BMI1: variants seen among roughly 807,000 people sequenced by gnomAD.
BMI1 encodes the protein polycomb complex protein BMI-1.
BMI1 carries 9 observed loss-of-function variants against 39.1 expected under a neutral mutation model. The observed-to-expected ratio is 0.23, with a 90% CI of 0.14 to 0.40. The LOEUF (loss-of-function observed/expected upper bound fraction) is 0.40. Ranked by LOEUF, BMI1 falls within the 10% of genes least tolerant of loss-of-function variation. The pLI, the probability that BMI1 is intolerant of heterozygous loss-of-function variation, is 1.00. For synonymous variants in BMI1, 131 were observed against 127.9 expected (o/e 1.02, Z -0.16); for missense variants, 252 against 390.8 (o/e 0.64, Z 2.99).
chr10:22,327,540 C>T, intron 3 of BMI1, 55 bp from the exon 4 acceptor site: 1 of 1,496,852 alleles, frequency 6.7e-7, no homozygotes, highest in Non-Finnish European at 9.1e-7. Flanking sequence ...AACTTATGAA[C>T]ATTTTTAGTT....
intron 1 of BMI1, among the ~76,000 whole-genome samples, chr10:22,323,035 A>G (rs1564348814): frequency 6.6e-6 from 1 of 152,236 alleles, no homozygotes; most frequent in Non-Finnish European, 1.5e-5. Flanking sequence ...ATATTTATCC[A>G]AATGCAAGTG....
At chr10:22,322,634 T>G (rs554751872) in intron 1 of BMI1, among the ~76,000 whole-genome samples, 3 of 152,192 alleles carry the variant, frequency 2.0e-5, no homozygotes, top group Non-Finnish European at 4.4e-5. Context: ...TCTCACTACT[T>G]CTTTTTCTCC....
At position 22,329,752 on chromosome 10, in the gene BMI1, G is replaced by A. The variant is rs1836243614; in HGVS notation, c.*210G>A. 1.6e-6 allele frequency: 1 copy of A among 612,518 alleles called. No individual in the cohort carries two copies. The highest frequency in any genetic ancestry group is 2.7e-6 in the Non-Finnish European group (1 of 374,064). 37.9% of individuals were successfully genotyped at this position (612,518 alleles called of 1,614,324 possible). A position where few individuals can be genotyped will look rare whatever the true frequency, so the allele number is the denominator to read the frequency against. ...GAAAGATTGTTGTTATAAAGAATTG[G>A]TTTCTTGGAAAGCAGGCAAGACTTT... On this transcript the variant is annotated 3_prime_UTR_variant, in exon 10 of 10. Coordinates refer to ENST00000376663, the MANE Select transcript of BMI1 (RefSeq NM_005180.9).
chr10:22,329,437 T>C lies in BMI1; in HGVS notation c.876T>C (p.Thr292=), dbSNP rs1304096042. The C allele has an allele frequency of 6.2e-7, 1 of 1,614,206 alleles. No homozygotes were observed. Among genetic ancestry groups the C allele is most frequent in the South Asian group, 1.1e-5 (1 of 91,088 alleles). ...PHPQFPHISS[T]MNGTSNSPSG... The stretch of plus-strand genomic sequence containing the variant: ...CACAGTTTCCTCACATTTCCAGTAC[T>C]ATGAATGGAACCAGCAACAGCCCCA... Residue 292 remains threonine, a synonymous_variant, in exon 10 of 10, where the codon ACT becomes ACC. Transcript: ENST00000376663.
downstream of BMI1, among the ~76,000 whole-genome samples, chr10:22,331,653 TTTGAC>T (rs1322519534): frequency 2.0e-5 from 3 of 150,318 alleles, no homozygotes; most frequent in African/African-American, 7.6e-5. Context: ...TGGACTGTCA[TTTGAC>T]TTACATAAAA....
intron 1 of BMI1, among the ~76,000 whole-genome samples, chr10:22,322,446 G>T (rs1262868567): frequency 6.6e-6 from 1 of 152,190 alleles, no homozygotes; most frequent in African/African-American, 2.4e-5. Flanking sequence ...TGTTTCCAAG[G>T]TCTCCTGCAT....
intron 2 of BMI1, 32 bp downstream of exon 2, chr10:22,326,593 C>T (rs1836158382): frequency 2.5e-6 from 4 of 1,604,256 alleles, no homozygotes; most frequent in Non-Finnish European, 3.4e-6. Flanking sequence ...TCTTTTGTAT[C>T]ATGCGTATTT....
At chr10:22,321,908 C>T (rs1015239050) in intron 1 of BMI1, among the ~76,000 whole-genome samples, 5 of 144,662 alleles carry the variant, frequency 3.5e-5, no homozygotes, top group African/African-American at 1.2e-4. Context: ...CGCCCGCGAG[C>T]GCGCGCCCGC....
At chr10:22,326,598 G>T in intron 2 of BMI1, 37 bp downstream of exon 2, 1 of 1,596,338 alleles carries the variant, frequency 6.3e-7, no homozygotes. Context: ...TGTATCATGC[G>T]TATTTCACAG....
At position 22,329,388 on chromosome 10, in the gene BMI1, G is replaced by C; in HGVS notation, c.827G>C (p.Ser276Thr). The C allele has an allele frequency of 2.5e-6, 4 of 1,614,174 alleles. No homozygotes were observed. Among genetic ancestry groups the C allele is most frequent in the Non-Finnish European group, 3.4e-6 (4 of 1,180,024 alleles). Reference sequence around the variant, plus strand: ...ACCTCTTCTTGTTTGCCTAGCCCCAGTACTCCAGTGCAGTCTCCTCATCCA... The same window carrying C: ...ACCTCTTCTTGTTTGCCTAGCCCCACTACTCCAGTGCAGTCTCCTCATCCA... ...PSTSSCLPSP[S>T]TPVQSPHPQF... Residue 276 changes from serine (S) to threonine (T), a missense_variant, in exon 10 of 10, where the codon AGT (serine) becomes ACT (threonine). Transcript: ENST00000376663.
chr10:22,330,623 AT>A lies in BMI1; in HGVS notation c.*1083del, dbSNP rs1457698030. 6.6e-6 allele frequency: 1 copy of A among 152,212 alleles called. No homozygotes were observed. The highest frequency in any genetic ancestry group is 2.4e-5 in the African/African-American group (1 of 41,462). The allele number at this position is 152,212 out of a possible 1,614,324, so 9.4% of individuals were successfully genotyped here. A position where few individuals can be genotyped will look rare whatever the true frequency, so the allele number is the denominator to read the frequency against. On this transcript the variant is annotated 3_prime_UTR_variant, in exon 10 of 10. Transcript: ENST00000376663. ...TTAAAAATGCATATTGATCACTATA[AT>A]TCTAAAACAATTTTTTAAATAAACC... is the stretch of plus-strand genomic sequence containing the variant.
intron 1 of BMI1, chr10:22,325,933 G>T (rs1336913144): frequency 3.3e-5 from 5 of 152,356 alleles, no homozygotes; most frequent in African/African-American, 1.2e-4. Context: ...GGGCAGAATT[G>T]TTTTCCCTGC....
At position 22,330,270 on chromosome 10, in the gene BMI1, A is replaced by G. The variant is rs934195833; in HGVS notation, c.*728A>G. 5.2e-5 allele frequency: 8 copies of G among 152,682 alleles called. No homozygotes were observed. Among genetic ancestry groups the G allele is most frequent in the African/African-American group, 1.9e-4 (8 of 41,476 alleles). The allele number at this position is 152,682 out of a possible 1,614,324, so 9.5% of individuals were successfully genotyped here. The stretch of plus-strand genomic sequence containing the variant: ...ATGACATAACAGGAAACAGTATTGT[A>G]TGATATATTTATAAATGCTATAAAG... On this transcript the variant is annotated 3_prime_UTR_variant, in exon 10 of 10. Transcript: ENST00000376663.
In BMI1 at chr10:22,329,297, G is replaced by C; in HGVS notation, c.736G>C (p.Ala246Pro). ...ISHQRDGLTN[A>P]GELESDSGSD... ...TCACCAGAGAGATGGACTGACAAATGCTGGAGAACTGGAAAGTGACTCTGG... is the reference window on the plus strand; with the variant it reads ...TCACCAGAGAGATGGACTGACAAATCCTGGAGAACTGGAAAGTGACTCTGG... Residue 246 changes from alanine (A) to proline (P), a missense_variant, in exon 10 of 10, where the codon GCT becomes CCT. By Grantham distance (27) the Ala-to-Pro change is conservative (BLOSUM62 -1). This residue lies in a region of BMI1 where 96 missense variants were observed against 120.2 expected (regional missense o/e 0.80). Transcript: ENST00000376663. 1.2e-6 allele frequency: 2 copies of C among 1,614,192 alleles called. No individual in the cohort carries two copies. The highest frequency in any genetic ancestry group is 1.7e-6 in the Non-Finnish European group (2 of 1,180,030).
At chr10:22,324,211 C>G (rs892761546) in intron 1 of BMI1, among the ~76,000 whole-genome samples, 4 of 152,160 alleles carry the variant, frequency 2.6e-5, no homozygotes, top group African/African-American at 9.6e-5. Flanking sequence ...TTATTGGAGC[C>G]CCTTCATGAA....
rs111708491 is a variant in BMI1, at chr10:22,324,559, G to A, written c.-19-1872G>A. ...GTTGCCACTGTGGTCACTTTCATAA[G>A]AGAGGCTTTGTTTTGTTTTTTACCA... On this transcript the variant is annotated intron_variant, in intron 1 of 9. Coordinates refer to ENST00000376663, the MANE Select transcript of BMI1 (RefSeq NM_005180.9). Among the ~76,000 whole-genome samples the A allele has an allele frequency of 6.7e-3, 1,018 of 152,322 alleles. 7 individuals are homozygous for A. Among genetic ancestry groups the A allele is most frequent in the African/African-American group, 0.023 (974 of 41,582 alleles).
rs777465306 is a variant in BMI1 at position 22,323,346 on chromosome 10, TGA to T, written c.-20+1652_-20+1653del. ...AAGTGTTTGAAATAACCTACTTGTG[TGA>T]GTCTTATGCCTAGTAAAATATCTTT... On this transcript the variant is annotated intron_variant, in intron 1 of 9. Transcript: ENST00000376663. Among the ~76,000 whole-genome samples, 23 of 152,374 alleles carry T rather than the reference TGA, an allele frequency of 1.5e-4. No homozygotes were observed. In the South Asian group the frequency reaches 2.1e-3, roughly 14 times the overall value.
chr10:22,326,509 T>G lies in BMI1; in HGVS notation c.60T>G (p.Leu20=). 1 of 1,614,180 alleles carries G rather than the reference T, an allele frequency of 6.2e-7. No homozygotes were observed. Among genetic ancestry groups the G allele is most frequent in the Non-Finnish European group, 8.5e-7 (1 of 1,180,036 alleles). The change falls in exon 2 of 10, where the codon CTT becomes CTG. Residue 20 remains leucine (L), a synonymous_variant. Coordinates refer to ENST00000376663, the MANE Select transcript of BMI1 (RefSeq NM_005180.9). ...TELNPHLMCV[L]CGGYFIDATT... Reference sequence around the variant, plus strand: ...TAAATCCCCACCTGATGTGTGTGCTTTGTGGAGGGTACTTCATTGATGCCA... The same window carrying G: ...TAAATCCCCACCTGATGTGTGTGCTGTGTGGAGGGTACTTCATTGATGCCA...
chr10:22,326,305 C>CGT, intron 1 of BMI1, 126 bp from the exon 2 acceptor site: 1 of 1,322,064 alleles, frequency 7.6e-7, no homozygotes, highest in Non-Finnish European at 1.0e-6. Flanking sequence ...TCTGTAGAAA[C>CGT]GTTAGGACAG....
Sources: allele counts gnomAD v4.1 joint callset (sites outside exome capture counted in the v4.1 genomes callset), GRCh38; gene constraint gnomAD v4.1.1; regional missense constraint gnomAD v4.1.1; transcripts MANE v1.5; gene names NCBI Gene and HGNC (gene_info 2026-07-23, HGNC 2026-07-21).